UTRN: variants seen among roughly 807,000 people sequenced by gnomAD.
UTRN encodes dystrophin-related protein 1.
In UTRN, 283 loss-of-function variants were observed where a neutral mutation model predicts 463.9. That is an observed-to-expected ratio of 0.61 (90% confidence interval 0.55 to 0.67). UTRN has a LOEUF of 0.67. Among genes scored for constraint, UTRN ranks in the 30% least tolerant of loss-of-function variants. The pLI is 0.00. For missense variants in UTRN, 3,922 were observed against 4,084.3 expected (o/e 0.96, Z 1.08); for synonymous variants, 1,442 against 1,431.5 (o/e 1.01, Z -0.17).
intron 61 of UTRN, among the ~76,000 whole-genome samples, chr6:144,782,616 A>ATG (rs200576781): frequency 0.11 from 16,263 of 143,830 alleles, 1,536 homozygotes; most frequent in Admixed American, 0.32. Context: ...CATAGTGGTT[A>ATG]TGTGTGTGTG....
Position 144,700,174 on chromosome 6 carries a change from A to G in UTRN, c.7740A>G (p.Glu2580=), listed in dbSNP as rs1784436188. The G allele has an allele frequency of 3.1e-6, 5 of 1,613,544 alleles. No individual in the cohort carries two copies. The highest frequency in any genetic ancestry group is 4.2e-6 in the Non-Finnish European group (5 of 1,179,702). The change falls in exon 53 of 75, where the codon GAA becomes GAG. Residue 2580 remains glutamate (E), a synonymous_variant. Coordinates refer to ENST00000367545, the MANE Select transcript of UTRN (RefSeq NM_007124.3). ...ELIKWLNMKD[E]ELKKQMPIGG... ...TCAAATGGCTGAATATGAAAGATGA[A>G]GAGCTTAAGAAACAAATGCCTATTG...
At chr6:144,819,960 G>T (rs1195320194) in intron 65 of UTRN, among the ~76,000 whole-genome samples, 1 of 148,386 alleles carries the variant, frequency 6.7e-6, no homozygotes, top group East Asian at 2.2e-4. Flanking sequence ...AGGGAGTGAG[G>T]TATAATGAGT....
At chr6:144,849,216 G>T (rs1782280408) in intron 74 of UTRN, among the ~76,000 whole-genome samples, 1 of 152,146 alleles carries the variant, frequency 6.6e-6, no homozygotes, top group Non-Finnish European at 1.5e-5. Context: ...GGGGTATGCA[G>T]ATCTCTATAT....
At chr6:144,673,062 T>G (rs903657659) in intron 51 of UTRN, among the ~76,000 whole-genome samples, 2 of 152,188 alleles carry the variant, frequency 1.3e-5, no homozygotes, top group Non-Finnish European at 1.5e-5. Flanking sequence ...TTGATTTTCT[T>G]AAATTTATTG....
chr6:144,781,045 T>G (rs1016208819), intron 60 of UTRN, among the ~76,000 whole-genome samples: 1 of 152,044 alleles, frequency 6.6e-6, no homozygotes, highest in East Asian at 1.9e-4. Flanking sequence ...CTCCTCCTTT[T>G]AGTAAAGCCA....
At chr6:144,769,504 T>C (rs938090645) in intron 58 of UTRN, among the ~76,000 whole-genome samples, 2 of 152,200 alleles carry the variant, frequency 1.3e-5, no homozygotes, top group African/African-American at 4.8e-5. Flanking sequence ...AGTAGTGGTT[T>C]CACTAAAAAG....
chr6:144,753,746 A>G (rs2128724425), intron 56 of UTRN, among the ~76,000 whole-genome samples: 1 of 151,930 alleles, frequency 6.6e-6, no homozygotes. Flanking sequence ...ACATGCGTGT[A>G]GTCCCAGCTA....
At chr6:144,440,505 G>T in intron 13 of UTRN, 34 bp downstream of exon 13, 2 of 1,613,426 alleles carry the variant, frequency 1.2e-6, no homozygotes, top group South Asian at 1.1e-5. Flanking sequence ...AATCCTGAGG[G>T]ACCTGTGGTC....
intron 51 of UTRN, among the ~76,000 whole-genome samples, chr6:144,597,529 G>T (rs890176658): frequency 6.6e-6 from 1 of 152,160 alleles, no homozygotes; most frequent in Non-Finnish European, 1.5e-5. Context: ...AGGAAAGTTG[G>T]TGTGTAACCT....
At chr6:144,476,014 T>G (rs959539903) in intron 25 of UTRN, among the ~76,000 whole-genome samples, 4 of 151,102 alleles carry the variant, frequency 2.6e-5, no homozygotes, top group African/African-American at 9.7e-5. Context: ...GGATGGAGGT[T>G]GCAGTGAGCT....
At chr6:144,814,761 T>C (rs573489175) in intron 65 of UTRN, among the ~76,000 whole-genome samples, 29 of 152,334 alleles carry the variant, frequency 1.9e-4, no homozygotes, top group African/African-American at 6.7e-4. Flanking sequence ...TCTAAGACTA[T>C]TGTGTACGTA....
rs1359759469 is a variant in UTRN at position 144,635,515 on chromosome 6, TTTTTTTTTTTTTTTCTTTTC to T, written c.7480-42876_7480-42857del. 6.1e-3 allele frequency among the ~76,000 whole-genome samples: 300 copies of T among 49,506 alleles called. 1 individual carries two copies. The highest frequency in any genetic ancestry group is 0.016 in the African/African-American group (260 of 16,064). 32.5% of individuals were successfully genotyped at this position (49,506 alleles called of 152,430 possible). A position where few individuals can be genotyped will look rare whatever the true frequency, so the allele number is the denominator to read the frequency against. On this transcript the variant is annotated intron_variant, in intron 51 of 74. Transcript: ENST00000367545. Reference sequence around the variant, plus strand: ...ACTTAGCAGCTAGCCTTTTTTTTTCTTTTTTTTTTTTTTTCTTTTCTTTTTTTTTTTTTTTTTTTTTTGAG... The same window carrying T: ...ACTTAGCAGCTAGCCTTTTTTTTTCTTTTTTTTTTTTTTTTTTTTTTTGAG...
chr6:144,794,329 C>T lies in UTRN; in HGVS notation c.9078+338C>T, dbSNP rs140393017. ...TGTTTTATTTCCTTGATTCCTGCCT[C>T]AGCAGTGCCTTTGGACCTGTGTCTG... On this transcript the variant is annotated intron_variant, in intron 63 of 74. Coordinates refer to ENST00000367545, the MANE Select transcript of UTRN (RefSeq NM_007124.3). Among the ~76,000 whole-genome samples the T allele has an allele frequency of 6.6e-5, 10 of 152,274 alleles. No individual in the cohort carries two copies. The East Asian group carries it at 1.9e-3, about 29-fold the overall frequency.
intron 2 of UTRN, among the ~76,000 whole-genome samples, chr6:144,349,533 A>G (rs1188806647): frequency 6.6e-6 from 1 of 152,194 alleles, no homozygotes; most frequent in African/African-American, 2.4e-5. Context: ...CAGGTAAATA[A>G]ATGGAATAAT....
At chr6:144,386,873 C>A (rs1562326928) in intron 2 of UTRN, among the ~76,000 whole-genome samples, 1 of 151,304 alleles carries the variant, frequency 6.6e-6, no homozygotes, top group Non-Finnish European at 1.5e-5. Flanking sequence ...CAAATAAAGA[C>A]AAAAAAACTC....
intron 58 of UTRN, among the ~76,000 whole-genome samples, chr6:144,765,016 C>T (rs1023767543): frequency 5.3e-5 from 8 of 152,000 alleles, no homozygotes; most frequent in Non-Finnish European, 8.8e-5. Flanking sequence ...CTGAATCTCC[C>T]CAGTTTGAGA....
At chr6:144,672,852 G>C (rs1412781486) in intron 51 of UTRN, among the ~76,000 whole-genome samples, 1 of 151,918 alleles carries the variant, frequency 6.6e-6, no homozygotes, top group Non-Finnish European at 1.5e-5. Flanking sequence ...ATATCCCAGA[G>C]GTTTTGATAG....
At chr6:144,566,983 CA>C (rs1161393553) in intron 50 of UTRN, among the ~76,000 whole-genome samples, 2 of 151,782 alleles carry the variant, frequency 1.3e-5, no homozygotes, top group African/African-American at 4.8e-5. Context: ...CTCATCTCTA[CA>C]AAAAATACAA....
intron 3 of UTRN, among the ~76,000 whole-genome samples, chr6:144,417,010 A>G (rs1170729753): frequency 1.3e-5 from 2 of 152,144 alleles, no homozygotes; most frequent in African/African-American, 4.8e-5. Flanking sequence ...ATCAGTTTTT[A>G]TTTTTATTCA....
Sources: gnomAD v4.1 joint callset for allele counts (sites outside exome capture counted in the v4.1 genomes callset) on GRCh38, gnomAD v4.1.1 for gene constraint, MANE v1.5 for transcripts, NCBI Gene and HGNC (gene_info 2026-07-23, HGNC 2026-07-21) for gene names.